The following PID1 variants were observed in gnomAD, a reference collection of about 807,000 sequenced individuals.
The protein encoded by PID1 is PTB-containing, cubilin and LRP1-interacting protein.
A neutral mutation model predicts 19.1 loss-of-function variants in PID1; 10 were observed. That is an observed-to-expected ratio of 0.52 (90% confidence interval 0.32 to 0.89). The LOEUF is 0.89. Among genes scored for constraint, PID1 ranks in the 40% least tolerant of loss-of-function variants. PID1 has a pLI of 0.03. For synonymous variants in PID1, 130 were observed against 116.0 expected (o/e 1.12, Z -0.78); for missense variants, 248 against 285.3 (o/e 0.87, Z 0.94).
At chr2:229,240,008 A>C (rs989911140) in intron 1 of PID1, among the ~76,000 whole-genome samples, 7 of 152,162 alleles carry the variant, frequency 4.6e-5, no homozygotes, top group African/African-American at 1.7e-4. Flanking sequence ...CAACAAGGCA[A>C]GACTGAACCA....
chr2:229,074,087 A>G (rs1400616827), intron 2 of PID1, among the ~76,000 whole-genome samples: 1 of 152,242 alleles, frequency 6.6e-6, no homozygotes, highest in Non-Finnish European at 1.5e-5. Context: ...ACAAACTGAC[A>G]AACTGTCAGA....
chr2:229,075,182 G>A (rs1387240453), intron 2 of PID1, among the ~76,000 whole-genome samples: 5 of 152,104 alleles, frequency 3.3e-5, no homozygotes, highest in African/African-American at 1.2e-4. Flanking sequence ...TACGAGGAAC[G>A]TAACGCATAA....
intron 2 of PID1, among the ~76,000 whole-genome samples, chr2:229,067,178 C>T (rs1694345451): frequency 1.3e-5 from 2 of 152,066 alleles, no homozygotes; most frequent in Non-Finnish European, 2.9e-5. Flanking sequence ...CTCATAAGAC[C>T]TCACTTACTA....
intron 2 of PID1, among the ~76,000 whole-genome samples, chr2:229,094,997 C>T (rs980788046): frequency 2.0e-4 from 31 of 152,144 alleles, no homozygotes; most frequent in African/African-American, 3.1e-4. Flanking sequence ...TAACAGATAG[C>T]GTGAGCCCCA....
intron 1 of PID1, among the ~76,000 whole-genome samples, chr2:229,268,523 T>C (rs1273422521): frequency 6.6e-6 from 1 of 152,218 alleles, no homozygotes; most frequent in African/African-American, 2.4e-5. Flanking sequence ...GACTCCTTAG[T>C]CCTATTAGGA....
At chr2:229,084,239 C>G (rs1694722145) in intron 2 of PID1, among the ~76,000 whole-genome samples, 1 of 152,124 alleles carries the variant, frequency 6.6e-6, no homozygotes, top group Non-Finnish European at 1.5e-5. Context: ...GACACAAAGC[C>G]AAAGGATACA....
chr2:229,148,762 G>A (rs1690187896), intron 2 of PID1, among the ~76,000 whole-genome samples: 1 of 150,928 alleles, frequency 6.6e-6, no homozygotes, highest in Non-Finnish European at 1.5e-5. Flanking sequence ...GAGGGAGAGA[G>A]GGAAGGAGGG....
chr2:229,134,646 A>G (rs1689822432), intron 2 of PID1, among the ~76,000 whole-genome samples: 1 of 152,178 alleles, frequency 6.6e-6, no homozygotes. Flanking sequence ...ATGGTCCCAT[A>G]CTATGATAAT....
At chr2:229,144,054 T>G (rs59527880) in intron 2 of PID1, among the ~76,000 whole-genome samples, 22,065 of 152,106 alleles carry the variant, frequency 0.15, 1,988 homozygotes, top group East Asian at 0.28. Flanking sequence ...AAGTCAATGG[T>G]TAGTGCCTTC....
At chr2:229,196,043 G>A (rs1396371853) in intron 1 of PID1, among the ~76,000 whole-genome samples, 1 of 151,966 alleles carries the variant, frequency 6.6e-6, no homozygotes, top group Non-Finnish European at 1.5e-5. Flanking sequence ...TAAACATCGA[G>A]GTGAATATAA....
At chr2:229,108,680 T>C (rs1305585292) in intron 2 of PID1, among the ~76,000 whole-genome samples, 3 of 152,286 alleles carry the variant, frequency 2.0e-5, no homozygotes, top group East Asian at 1.9e-4. Flanking sequence ...TCTGGGACTC[T>C]AGCAACTACG....
intron 1 of PID1, among the ~76,000 whole-genome samples, chr2:229,251,107 T>C (rs1469378052): frequency 1.3e-5 from 2 of 152,160 alleles, no homozygotes; most frequent in Non-Finnish European, 2.9e-5. Flanking sequence ...ACCATCCTTT[T>C]TACATCCAAA....
intron 2 of PID1, among the ~76,000 whole-genome samples, chr2:229,142,106 A>T (rs1353186074): frequency 6.6e-6 from 1 of 151,886 alleles, no homozygotes; most frequent in Non-Finnish European, 1.5e-5. Context: ...ATTTGTTACC[A>T]TTTTCTCTAT....
chr2:229,046,399 A>G (rs1376123172), intron 2 of PID1, among the ~76,000 whole-genome samples: 1 of 104,280 alleles, frequency 9.6e-6, no homozygotes, highest in African/African-American at 4.9e-5. Context: ...TGTGTGTGTG[A>G]GTCAGGAGGG....
At chr2:229,087,968 A>G (rs1370452884) in intron 2 of PID1, among the ~76,000 whole-genome samples, 5 of 152,112 alleles carry the variant, frequency 3.3e-5, no homozygotes, top group African/African-American at 4.8e-5. Flanking sequence ...CTAATCACAC[A>G]TGCACCCCCC....
In PID1 at chr2:229,075,704, GT is replaced by G. The variant is rs536879711; in HGVS notation, c.178-49597del. Among the ~76,000 whole-genome samples the G allele has an allele frequency of 6.0e-4, 91 of 152,300 alleles. 1 individual carries two copies. The highest frequency in any genetic ancestry group is 2.0e-3 in the African/African-American group (84 of 41,582). On this transcript the variant is annotated intron_variant, in intron 2 of 2. Transcript: ENST00000392055. ...CACCATTTGCCACACTTTCTCTGAT[GT>G]TTTCCTCCATTCGTTGTCAATTAAG...
At chr2:229,214,395 G>C (rs149835104) in intron 1 of PID1, among the ~76,000 whole-genome samples, 149 of 152,290 alleles carry the variant, frequency 9.8e-4, no homozygotes, top group African/African-American at 3.3e-3. Flanking sequence ...TGAGGGTCCA[G>C]TGAGCTGTCA....
intron 1 of PID1, among the ~76,000 whole-genome samples, chr2:229,195,539 TTTG>T (rs1304213704): frequency 2.0e-5 from 3 of 152,096 alleles, no homozygotes; most frequent in African/African-American, 4.8e-5. Flanking sequence ...TGTTCCCTAC[TTTG>T]TTAATTTTTA....
chr2:229,045,284 T>G (rs545794148), intron 2 of PID1, among the ~76,000 whole-genome samples: 1 of 152,348 alleles, frequency 6.6e-6, no homozygotes, highest in African/African-American at 2.4e-5. Context: ...GGAGAGTTTA[T>G]TTTTCTTTTG....
Sources: allele counts gnomAD v4.1 joint callset (sites outside exome capture counted in the v4.1 genomes callset), GRCh38; gene constraint gnomAD v4.1.1; transcripts MANE v1.5; gene names NCBI Gene and HGNC (gene_info 2026-07-23, HGNC 2026-07-21).